KIT: variants seen among roughly 807,000 people sequenced by gnomAD.
The protein encoded by KIT is KIT proto-oncogene, receptor tyrosine kinase.
KIT carries 16 observed loss-of-function variants against 105.7 expected under a neutral mutation model. That is an observed-to-expected ratio of 0.15 (90% CI 0.10 to 0.23). KIT has a LOEUF of 0.23. KIT is among the 10% of genes least tolerant of loss of function. The pLI, the probability that KIT is intolerant of heterozygous loss-of-function variation, is 1.00. For missense variants in KIT, 858 were observed against 1,213.8 expected (o/e 0.71, Z 4.36); for synonymous variants, 438 against 441.1 (o/e 0.99, Z 0.09).
At chr4:54,693,975 T>A (rs1270023194) in intron 1 of KIT, among the ~76,000 whole-genome samples, 1 of 152,236 alleles carries the variant, frequency 6.6e-6, no homozygotes, top group Non-Finnish European at 1.5e-5. Flanking sequence ...CATGTTTCAC[T>A]CATTTCCTTG....
chr4:54,678,354 C>CCT (rs1560381445), intron 1 of KIT, among the ~76,000 whole-genome samples: 21 of 68,136 alleles, frequency 3.1e-4, no homozygotes, highest in East Asian at 2.9e-3. Context: ...CCTTCCTTCC[C>CCT]TCCCTCCCTC....
At chr4:54,698,261 T>C (rs1459115764) in intron 2 of KIT, 23 bp from the exon 3 acceptor site, 1 of 1,609,868 alleles carries the variant, frequency 6.2e-7, no homozygotes, top group South Asian at 1.1e-5. Flanking sequence ...TTCCAACTAC[T>C]GATTTTGGAT....
Position 54,731,332 on chromosome 4 carries a change from G to T in KIT, c.2146G>T (p.Asp716Tyr), listed in dbSNP as rs769701248. The change falls in exon 15 of 21, where the codon GAT becomes TAT. Residue 716 changes from aspartate (D) to tyrosine (Y), a missense_variant. By Grantham distance (160) the Asp-to-Tyr change is radical. Transcript: ENST00000288135. ...LLHSKESSCS[D>Y]STNEYMDMKP... ...GACTTGTTTCATCTCTCCCAGCAGCGATAGTACTAATGAGTACATGGACAT... is the reference window on the plus strand; with the variant it reads ...GACTTGTTTCATCTCTCCCAGCAGCTATAGTACTAATGAGTACATGGACAT... 6.2e-7 allele frequency: 1 copy of T among 1,611,286 alleles called. No individual in the cohort carries two copies. The highest frequency in any genetic ancestry group is 8.5e-7 in the Non-Finnish European group (1 of 1,177,634).
intron 3 of KIT, among the ~76,000 whole-genome samples, chr4:54,699,370 G>A (rs1385804941): frequency 1.1e-4 from 17 of 152,018 alleles, no homozygotes. Context: ...CTTCTACTTG[G>A]TTTGGAAAAA....
chr4:54,706,317 A>G (rs1720786127), intron 5 of KIT, among the ~76,000 whole-genome samples: 1 of 152,320 alleles, frequency 6.6e-6, no homozygotes, highest in East Asian at 1.9e-4. Flanking sequence ...CCACACTTGC[A>G]AAATTATTGA....
intron 20 of KIT, 82 bp downstream of exon 20, chr4:54,737,362 A>G: frequency 1.1e-6 from 1 of 921,296 alleles, no homozygotes. Flanking sequence ...CAGGGTGAGG[A>G]CTAACCTCCC....
chr4:54,670,887 C>T (rs1420728098), intron 1 of KIT, among the ~76,000 whole-genome samples: 1 of 152,178 alleles, frequency 6.6e-6, no homozygotes, highest in Admixed American at 6.5e-5. Context: ...TGTCCAATCA[C>T]TTTTCTGCAT....
In KIT at chr4:54,740,041, CAAAA is replaced by C. The variant is rs374796688; in HGVS notation, c.*1487_*1490del. The C allele has an allele frequency of 2.1e-3, 489 of 233,444 alleles. 1 individual carries two copies. Among genetic ancestry groups the C allele is most frequent in the Middle Eastern group, 3.8e-3 (3 of 786 alleles). 14.5% of individuals were successfully genotyped at this position (233,444 alleles called of 1,614,324 possible). On this transcript the variant is annotated 3_prime_UTR_variant, in exon 21 of 21. Transcript: ENST00000288135. Reference sequence around the variant, plus strand: ...TCTTTAAAAACAAAACAAAACAAAACAAAAAACTCCCCTTCCTCACTGCCCAATA... The same window carrying C: ...TCTTTAAAAACAAAACAAAACAAAACAACTCCCCTTCCTCACTGCCCAATA...
intron 4 of KIT, among the ~76,000 whole-genome samples, chr4:54,700,160 A>G (rs1406337481): frequency 6.6e-6 from 1 of 152,202 alleles, no homozygotes; most frequent in East Asian, 1.9e-4. Flanking sequence ...TGCCACTTCC[A>G]TACTTAAAAA....
intron 1 of KIT, among the ~76,000 whole-genome samples, chr4:54,685,540 C>T (rs930067248): frequency 6.6e-6 from 1 of 152,174 alleles, no homozygotes; most frequent in African/African-American, 2.4e-5. Context: ...GACTGGTTGT[C>T]TCCTGGCTGA....
intron 1 of KIT, among the ~76,000 whole-genome samples, chr4:54,667,574 CA>C (rs1717793614): frequency 1.3e-5 from 2 of 152,094 alleles, no homozygotes; most frequent in Non-Finnish European, 2.9e-5. Context: ...GGAATTTGGT[CA>C]AGATGTGAAG....
chr4:54,674,553 A>G (rs1446786922), intron 1 of KIT, among the ~76,000 whole-genome samples: 1 of 152,182 alleles, frequency 6.6e-6, no homozygotes, highest in East Asian at 1.9e-4. Context: ...CCCAGAATCT[A>G]TATTGACATT....
chr4:54,658,479 C>G (rs1416053793), intron 1 of KIT, among the ~76,000 whole-genome samples: 8 of 152,086 alleles, frequency 5.3e-5, no homozygotes, highest in African/African-American at 1.9e-4. Flanking sequence ...GCCGCAGCTT[C>G]CTTTTGTTAA....
At chr4:54,723,420 C>T (rs1224972202) in intron 7 of KIT, among the ~76,000 whole-genome samples, 164 bp from the exon 8 acceptor site, 2 of 152,216 alleles carry the variant, frequency 1.3e-5, no homozygotes, top group Non-Finnish European at 2.9e-5. Context: ...TGACAGCCGC[C>T]TCCTTGTACC....
intron 7 of KIT, among the ~76,000 whole-genome samples, chr4:54,715,831 C>G (rs1422263656): frequency 1.3e-5 from 2 of 152,200 alleles, no homozygotes; most frequent in Non-Finnish European, 2.9e-5. Context: ...ACCCACCTGG[C>G]TGGAATCTCC....
chr4:54,706,779 T>A (rs1160691951), intron 5 of KIT, among the ~76,000 whole-genome samples: 2 of 152,184 alleles, frequency 1.3e-5, no homozygotes, highest in Non-Finnish European at 2.9e-5. Flanking sequence ...GAACTCACTA[T>A]TTATTCCAAA....
chr4:54,710,391 G>A (rs140888242), intron 7 of KIT, among the ~76,000 whole-genome samples: 58 of 152,320 alleles, frequency 3.8e-4, no homozygotes, highest in African/African-American at 1.4e-3. Context: ...GTGTGTGGAG[G>A]ATGAGGAGAC....
chr4:54,673,655 A>T (rs1038098366), intron 1 of KIT, among the ~76,000 whole-genome samples: 1 of 152,164 alleles, frequency 6.6e-6, no homozygotes, highest in Non-Finnish European at 1.5e-5. Flanking sequence ...TTTATTGTTT[A>T]CACGATGGAT....
At chr4:54,683,479 AGGTGGGGG>A (rs1265403559) in intron 1 of KIT, among the ~76,000 whole-genome samples, 1 of 152,190 alleles carries the variant, frequency 6.6e-6, no homozygotes, top group Non-Finnish European at 1.5e-5. Context: ...CTCCACCAAA[AGGTGGGGG>A]GGTGGGGAAG....
Sources: allele counts gnomAD v4.1 joint callset (sites outside exome capture counted in the v4.1 genomes callset), GRCh38; gene constraint gnomAD v4.1.1; transcripts MANE v1.5; gene names NCBI Gene and HGNC (gene_info 2026-07-23, HGNC 2026-07-21).